Variants in CCDC159 observed in about 807,000 individuals in gnomAD.
CCDC159 encodes coiled-coil domain containing 159.
CCDC159 carries 40 observed loss-of-function variants against 50.9 expected under a neutral mutation model. The observed-to-expected ratio is 0.79, with a 90% CI of 0.61 to 1.02. The LOEUF is 1.02. CCDC159 is among the 50% of genes least tolerant of loss of function. CCDC159 has a pLI of 0.00. For synonymous variants in CCDC159, 146 were observed against 138.9 expected, an observed-to-expected ratio of 1.05 and a Z score of -0.36; for missense variants, 356 against 371.5, an observed-to-expected ratio of 0.96 and a Z score of 0.34.
At chr19:11,352,614 AAAAAAG>A (rs1568314231) in intron 7 of CCDC159, 2 of 155,204 alleles carry the variant, frequency 1.3e-5, no homozygotes, top group African/African-American at 4.9e-5. Flanking sequence ...TCTTAAAAAA[AAAAAAG>A]AAAAAAGAAA....
rs1967725319 is a variant in CCDC159 at position 11,353,836 on chromosome 19, T to G, written c.734T>G (p.Leu245Trp). Residue 245 changes from leucine to tryptophan, a missense_variant, in exon 9 of 11, where the codon TTG becomes TGG. Coordinates refer to ENST00000458408, the MANE Select transcript of CCDC159 (RefSeq NM_001080503.3). ...CAGAACTCCATAGACAGCCTCACTT[T>G]GTGCTCGGGGGCCTGTCCCAAGGCC... ...VLQNSIDSLT[L>W]CSGACPKASS... The G allele has an allele frequency of 6.3e-7, 1 of 1,595,664 alleles. No homozygotes were observed.
chr19:11,351,615 CTG>C, intron 5 of CCDC159: 1 of 273,044 alleles, frequency 3.7e-6, no homozygotes, highest in Non-Finnish European at 6.5e-6. Context: ...GCAGGGAAGA[CTG>C]AGAGGACAGG....
chr19:11,351,748 G>C, intron 5 of CCDC159, 158 bp from the exon 6 acceptor site: 1 of 606,878 alleles, frequency 1.6e-6, no homozygotes. Context: ...AGGAGAGGAG[G>C]GGGATGAGGG....
intron 1 of CCDC159, among the ~76,000 whole-genome samples, chr19:11,347,365 T>C (rs1351304656): frequency 6.6e-6 from 1 of 152,196 alleles, no homozygotes; most frequent in Non-Finnish European, 1.5e-5. Context: ...AGTTTCGCTC[T>C]CGTTGCCCGG....
intron 4 of CCDC159, 51 bp downstream of exon 4, chr19:11,350,250 A>C: frequency 3.6e-5 from 54 of 1,510,822 alleles, no homozygotes; most frequent in Non-Finnish European, 4.1e-5. Context: ...GTGGTGGCTC[A>C]CGCCTGTAAT....
In CCDC159 at chr19:11,350,019, A is replaced by C. The variant is rs1469535253; in HGVS notation, c.137A>C (p.Gln46Pro). The C allele has an allele frequency of 1.9e-6, 3 of 1,613,632 alleles. No individual in the cohort carries two copies. Among genetic ancestry groups the C allele is most frequent in the Non-Finnish European group, 2.5e-6 (3 of 1,179,800 alleles). The stretch of plus-strand genomic sequence containing the variant: ...TCACTCAAGAGCCAGTTACAGGCCC[A>C]GACCAAGGTGAACCACCTTGGCCCT... ...LESLKSQLQA[Q>P]TKAFEFLNHS... Residue 46 changes from glutamine to proline, a missense_variant, in exon 3 of 11, where the codon CAG (glutamine) becomes CCG (proline). Transcript: ENST00000458408.
chr19:11,349,564 A>G, intron 1 of CCDC159, 90 bp from the exon 2 acceptor site: 1 of 1,555,616 alleles, frequency 6.4e-7, no homozygotes, highest in Admixed American at 1.9e-5. Flanking sequence ...AGGAGATCCA[A>G]CTCTTGTCCA....
At chr19:11,353,164 G>C (rs1020164578) in intron 7 of CCDC159, among the ~76,000 whole-genome samples, 1 of 151,934 alleles carries the variant, frequency 6.6e-6, no homozygotes, top group Admixed American at 6.6e-5. Context: ...GCAATGGCGC[G>C]ATCTCAACTC....
intron 7 of CCDC159, 54 bp from the exon 8 acceptor site, chr19:11,353,397 G>A (rs1967689444): frequency 1.1e-5 from 16 of 1,522,708 alleles, no homozygotes; most frequent in Non-Finnish European, 1.4e-5. Flanking sequence ...ACCGCGCCTG[G>A]CACTATTGTC....
chr19:11,351,386 G>A (rs1967567731), intron 5 of CCDC159: 1 of 214,606 alleles, frequency 4.7e-6, no homozygotes, highest in Non-Finnish European at 9.4e-6. Context: ...GCAGTGAGCT[G>A]AGATCGCACC....
intron 4 of CCDC159, among the ~76,000 whole-genome samples, chr19:11,350,432 C>T (rs943690949): frequency 8.6e-5 from 13 of 150,550 alleles, no homozygotes; most frequent in African/African-American, 2.9e-4. Context: ...GCAGGTGGAT[C>T]ACCTGAGGTC....
chr19:11,349,837 C>A, intron 2 of CCDC159, 101 bp from the exon 3 acceptor site: 1 of 1,255,776 alleles, frequency 8.0e-7, no homozygotes. Flanking sequence ...TATCTTATCC[C>A]CTGTCCCTAC....
At chr19:11,348,375 G>A (rs973166498) in intron 1 of CCDC159, among the ~76,000 whole-genome samples, 24 of 152,196 alleles carry the variant, frequency 1.6e-4, no homozygotes, top group Middle Eastern at 6.8e-3. Flanking sequence ...TGCCACCTCC[G>A]CCTCCCGGGT....
chr19:11,353,816 C>G lies in CCDC159; in HGVS notation c.714C>G (p.Asn238Lys). 6.3e-7 allele frequency: 1 copy of G among 1,598,934 alleles called. No individual in the cohort carries two copies. The highest frequency in any genetic ancestry group is 8.5e-7 in the Non-Finnish European group (1 of 1,172,828). ...GGTCTGCTGTGCACGTGCTGCAGAA[C>G]TCCATAGACAGCCTCACTTTGTGCT... is the stretch of plus-strand genomic sequence containing the variant. ...DIWSAVHVLQ[N>K]SIDSLTLCSG... The change falls in exon 9 of 11, where the codon AAC (asparagine) becomes AAG (lysine). Residue 238 changes from asparagine (N) to lysine (K), a missense_variant. By Grantham distance (94) the Asn-to-Lys change is moderately conservative. Coordinates refer to ENST00000458408, the MANE Select transcript of CCDC159 (RefSeq NM_001080503.3).
rs1159876291 is a variant in CCDC159, at chr19:11,354,706, C to T, written c.889+10C>T. 6.2e-7 allele frequency: 1 copy of T among 1,606,686 alleles called. No individual in the cohort carries two copies. ...CGCTCCTTCCCACCCGGTGCAGATC[C>T]TCCCCAGTCCCCCCCTCCACCCATT... is the stretch of plus-strand genomic sequence containing the variant. On this transcript the variant is annotated intron_variant, in intron 10 of 10. Transcript: ENST00000458408.
rs570549775 is a variant in CCDC159, at chr19:11,350,714, G to A, written c.227-94G>A. ...ATCAGCTGGGCCAGGCCAGGGTGAG[G>A]GAAATTGGGAGAGTCTGGGTTCTGG... On this transcript the variant is annotated intron_variant, in intron 4 of 10. Transcript: ENST00000458408. The A allele has an allele frequency of 4.7e-6, 6 of 1,283,814 alleles. No homozygotes were observed. The East Asian group carries it at 1.3e-4, about 28-fold the overall frequency. 79.5% of individuals were successfully genotyped at this position (1,283,814 alleles called of 1,614,324 possible). A position where few individuals can be genotyped will look rare whatever the true frequency, so the allele number is the denominator to read the frequency against.
chr19:11,352,301 A>T (rs1033647169), intron 7 of CCDC159, 168 bp downstream of exon 7: 5 of 680,090 alleles, frequency 7.4e-6, no homozygotes, highest in Non-Finnish European at 1.3e-5. Flanking sequence ...CAGTTTCCTC[A>T]TCTGTATAAT....
chr19:11,350,376 G>A (rs1967504875), intron 4 of CCDC159, among the ~76,000 whole-genome samples, 177 bp downstream of exon 4: 1 of 145,360 alleles, frequency 6.9e-6, no homozygotes, highest in African/African-American at 2.5e-5. Flanking sequence ...AAAAAAGCCA[G>A]GTGCTGTCAC....
Position 11,350,112 on chromosome 19 carries a change from C to A in CCDC159, c.145-6C>A. 6.2e-7 allele frequency: 1 copy of A among 1,613,570 alleles called. No individual in the cohort carries two copies. Among genetic ancestry groups the A allele is most frequent in the Non-Finnish European group, 8.5e-7 (1 of 1,179,730 alleles). On this transcript the variant is annotated splice_region_variant and splice_polypyrimidine_tract_variant and intron_variant, in intron 3 of 10. Coordinates refer to ENST00000458408, the MANE Select transcript of CCDC159 (RefSeq NM_001080503.3). ...TCCCACCCCAAGGCTGACCTCTTTC[C>A]CCCAGGCTTTCGAGTTCCTGAACCA...
Sources: gnomAD v4.1 joint callset for allele counts (sites outside exome capture counted in the v4.1 genomes callset) on GRCh38, gnomAD v4.1.1 for gene constraint, MANE v1.5 for transcripts, NCBI Gene and HGNC (gene_info 2026-07-23, HGNC 2026-07-21) for gene names.